MALRD1: variants seen among roughly 807,000 people sequenced by gnomAD.
MALRD1 encodes MAM and LDL receptor class A domain containing 1.
In MALRD1, 247 loss-of-function variants were observed where a neutral mutation model predicts 242.1. The ratio of observed to expected loss-of-function variants is 1.02; its 90% confidence interval spans 0.92 to 1.13. The LOEUF is 1.13. Among genes scored for constraint, MALRD1 ranks in the 50% most tolerant of loss-of-function variants. The pLI is 0.00. For missense variants in MALRD1, 2,989 were observed against 2,533.1 expected, an observed-to-expected ratio of 1.18 and a Z score of -3.86; for synonymous variants, 995 against 866.6, an observed-to-expected ratio of 1.15 and a Z score of -2.60.
At chr10:19,462,930 C>T (rs1334589040) in intron 29 of MALRD1, among the ~76,000 whole-genome samples, 1 of 152,064 alleles carries the variant, frequency 6.6e-6, no homozygotes, top group Non-Finnish European at 1.5e-5. Flanking sequence ...AGGAAGGACA[C>T]ATACCTGGTG....
intron 28 of MALRD1, among the ~76,000 whole-genome samples, chr10:19,430,762 A>T (rs1002484062): frequency 6.6e-6 from 1 of 152,170 alleles, no homozygotes; most frequent in African/African-American, 2.4e-5. Context: ...AGGTTTCATT[A>T]TGTGTCCTCA....
chr10:19,450,114 T>G (rs1011315842), intron 28 of MALRD1, among the ~76,000 whole-genome samples, 193 bp from the exon 29 acceptor site: 1 of 152,204 alleles, frequency 6.6e-6, no homozygotes, highest in Non-Finnish European at 1.5e-5. Context: ...CCTGACCTCT[T>G]GAGTCTTTTT....
intron 21 of MALRD1, among the ~76,000 whole-genome samples, chr10:19,299,131 T>A (rs900853888): frequency 6.6e-6 from 1 of 151,948 alleles, no homozygotes; most frequent in African/African-American, 2.4e-5. Context: ...CAGATAAATG[T>A]ACAAATTAAT....
intron 33 of MALRD1, among the ~76,000 whole-genome samples, chr10:19,573,578 C>T (rs1836664630): frequency 6.6e-6 from 1 of 151,658 alleles, no homozygotes; most frequent in Non-Finnish European, 1.5e-5. Flanking sequence ...GCTCAGCCAC[C>T]CCTTTCCCCC....
chr10:19,315,807 A>G (rs1275764556), intron 21 of MALRD1, among the ~76,000 whole-genome samples: 1 of 143,952 alleles, frequency 6.9e-6, no homozygotes, highest in Non-Finnish European at 1.5e-5. Context: ...ATAATTTACT[A>G]GGCACACAGT....
In MALRD1 at chr10:19,195,758, A is replaced by C. The variant is rs187114664; in HGVS notation, c.1952-7970A>C. ...TGTGGCTAGAGATGGAAAAACAAAA[A>C]CAAACAAACAAGCAAAAACCCAGTG... On this transcript the variant is annotated intron_variant, in intron 14 of 39. Transcript: ENST00000454679. Among the ~76,000 whole-genome samples the C allele has an allele frequency of 3.9e-3, 592 of 152,108 alleles. 5 individuals are homozygous for C. The highest frequency in any genetic ancestry group is 3.7e-3 in the Non-Finnish European group (251 of 67,994).
At chr10:19,577,882 C>T (rs1836908388) in intron 33 of MALRD1, among the ~76,000 whole-genome samples, 1 of 152,130 alleles carries the variant, frequency 6.6e-6, no homozygotes, top group African/African-American at 2.4e-5. Context: ...TATTTTCACT[C>T]AGAAAAGCTC....
chr10:19,691,724 A>T (rs1185735508), intron 36 of MALRD1, among the ~76,000 whole-genome samples: 1 of 152,136 alleles, frequency 6.6e-6, no homozygotes, highest in Non-Finnish European at 1.5e-5. Context: ...AAATAAAACA[A>T]AGGTGATGGA....
chr10:19,572,845 A>T (rs1836629031), intron 33 of MALRD1, among the ~76,000 whole-genome samples: 1 of 152,100 alleles, frequency 6.6e-6, no homozygotes, highest in Non-Finnish European at 1.5e-5. Flanking sequence ...AGCTAAAAAG[A>T]AGCTAAGAGA....
In MALRD1 at chr10:19,450,938, T is replaced by G. The variant is rs1589098904; in HGVS notation, c.5029+448T>G. On this transcript the variant is annotated intron_variant, in intron 29 of 39. Coordinates refer to ENST00000454679, the MANE Select transcript of MALRD1 (RefSeq NM_001142308.3). Reference sequence around the variant, plus strand: ...CCCATTCATGAGGGCTCTGCCCTCATGACCTAGTCATCTTCCTGAAGACCC... The same window carrying G: ...CCCATTCATGAGGGCTCTGCCCTCAGGACCTAGTCATCTTCCTGAAGACCC... Among the ~76,000 whole-genome samples, 4 of 152,332 alleles carry G rather than the reference T, an allele frequency of 2.6e-5. 1 individual carries two copies. The East Asian group carries it at 7.7e-4, about 30-fold the overall frequency.
Position 19,331,395 on chromosome 10 carries a change from C to T in MALRD1, c.3714C>T (p.Ile1238=), listed in dbSNP as rs1267536013. 1 of 1,550,264 alleles carries T rather than the reference C, an allele frequency of 6.5e-7. No homozygotes were observed. The highest frequency in any genetic ancestry group is 2.0e-5 in the Admixed American group (1 of 50,942). Residue 1238 remains isoleucine, a synonymous_variant, in exon 24 of 40, where the codon ATC becomes ATT. Coordinates refer to ENST00000454679, the MANE Select transcript of MALRD1 (RefSeq NM_001142308.3). ...TQIVFRAKRG[I]SYIGDVAVDD... is the part of the protein sequence containing the mutation. ...TTGTCTTCAGAGCCAAACGTGGTAT[C>T]AGTTACATAGGAGATGTAGCAGTGG...
At chr10:19,314,015 G>A (rs916064593) in intron 21 of MALRD1, among the ~76,000 whole-genome samples, 2 of 151,536 alleles carry the variant, frequency 1.3e-5, no homozygotes, top group African/African-American at 4.8e-5. Flanking sequence ...AAATCAAGAT[G>A]CCTTACTTCA....
Position 19,347,915 on chromosome 10 carries a change from C to T in MALRD1, c.4046C>T (p.Ser1349Leu). Residue 1349 changes from serine (S) to leucine (L), a missense_variant, in exon 25 of 40, where the codon TCA becomes TTA. Coordinates refer to ENST00000454679, the MANE Select transcript of MALRD1 (RefSeq NM_001142308.3). Reference sequence around the variant, plus strand: ...GCAGCAGATCACACTTTGGGAAATTCATCTGGTCATTACATCTTTATAAAG... The same window carrying T: ...GCAGCAGATCACACTTTGGGAAATTTATCTGGTCATTACATCTTTATAAAG... Reference protein sequence around the residue: ...EPAADHTLGNSSGHYIFIKSL... With the variant: ...EPAADHTLGNLSGHYIFIKSL... The T allele has an allele frequency of 6.5e-7, 1 of 1,550,312 alleles. No individual in the cohort carries two copies. The highest frequency in any genetic ancestry group is 8.7e-7 in the Non-Finnish European group (1 of 1,146,828).
rs142986237 is a variant in MALRD1, at chr10:19,271,286, C to T, written c.3080-8761C>T. Among the ~76,000 whole-genome samples, 528 of 152,230 alleles carry T rather than the reference C, an allele frequency of 3.5e-3. 4 individuals are homozygous for T. Among genetic ancestry groups the T allele is most frequent in the South Asian group, 0.011 (55 of 4,822 alleles). On this transcript the variant is annotated intron_variant, in intron 19 of 39. Coordinates refer to ENST00000454679, the MANE Select transcript of MALRD1 (RefSeq NM_001142308.3). ...CTGAATTACAATATACACATTAACA[C>T]TAATGAATTAAAGTACTATCTTGAG... is the stretch of plus-strand genomic sequence containing the variant.
At chr10:19,396,608 T>C (rs1846591147) in intron 28 of MALRD1, among the ~76,000 whole-genome samples, 1 of 152,244 alleles carries the variant, frequency 6.6e-6, no homozygotes, top group Non-Finnish European at 1.5e-5. Context: ...TTCTAGCTTC[T>C]ATATTCATAC....
At chr10:19,544,882 T>G (rs1835143166) in intron 32 of MALRD1, among the ~76,000 whole-genome samples, 1 of 152,174 alleles carries the variant, frequency 6.6e-6, no homozygotes. Flanking sequence ...AGTGGGCAAG[T>G]TATCTTTGCT....
intron 33 of MALRD1, among the ~76,000 whole-genome samples, chr10:19,572,592 G>A (rs767866413): frequency 1.3e-5 from 2 of 152,182 alleles, no homozygotes; most frequent in Non-Finnish European, 2.9e-5. Context: ...GGGTAGAATA[G>A]TATCTCCTCA....
At chr10:19,076,535 A>G (rs939119615) in intron 2 of MALRD1, among the ~76,000 whole-genome samples, 2 of 151,942 alleles carry the variant, frequency 1.3e-5, no homozygotes, top group Non-Finnish European at 2.9e-5. Flanking sequence ...TGAGCACCAT[A>G]TATTGAAAAG....
chr10:19,499,008 G>T (rs1837847343), intron 31 of MALRD1, among the ~76,000 whole-genome samples: 1 of 152,142 alleles, frequency 6.6e-6, no homozygotes, highest in Non-Finnish European at 1.5e-5. Flanking sequence ...TTATCCTGTT[G>T]TGACAATGGC....
Sources: allele counts gnomAD v4.1 joint callset (sites outside exome capture counted in the v4.1 genomes callset), GRCh38; gene constraint gnomAD v4.1.1; transcripts MANE v1.5; gene names NCBI Gene and HGNC (gene_info 2026-07-23, HGNC 2026-07-21).